STK17A: variants seen among roughly 807,000 people sequenced by gnomAD.
The protein encoded by STK17A is serine/threonine kinase 17a, also known as serine/threonine-protein kinase 17A.
A neutral mutation model predicts 43.7 loss-of-function variants in STK17A; 26 were observed. The ratio of observed to expected loss-of-function variants is 0.60; its 90% CI spans 0.44 to 0.83. The LOEUF is 0.83. Ranked by LOEUF, STK17A falls within the 40% of genes least tolerant of loss-of-function variation. STK17A has a pLI of 0.00. For missense variants in STK17A, 476 were observed against 511.6 expected, an observed-to-expected ratio of 0.93 and a Z score of 0.67; for synonymous variants, 191 against 182.5, an observed-to-expected ratio of 1.05 and a Z score of -0.38.
chr7:43,613,164 A>G (rs1554481879), intron 3 of STK17A, among the ~76,000 whole-genome samples: 1 of 152,190 alleles, frequency 6.6e-6, no homozygotes, highest in Non-Finnish European at 1.5e-5. Context: ...TCAGTCTTTC[A>G]GCAGTGTTAG....
chr7:43,584,446 A>G (rs2082425152), intron 1 of STK17A, among the ~76,000 whole-genome samples: 1 of 152,234 alleles, frequency 6.6e-6, no homozygotes, highest in African/African-American at 2.4e-5. Context: ...ATGCTTGTCA[A>G]GCGCATACCA....
At chr7:43,583,579 C>T (rs1185049208) in intron 1 of STK17A, 130 bp downstream of exon 1, 5 of 861,912 alleles carry the variant, frequency 5.8e-6, no homozygotes. Context: ...CGCGTTGTGA[C>T]TTGGCACAAA....
chr7:43,589,879 C>T (rs2082467108), intron 1 of STK17A, among the ~76,000 whole-genome samples: 1 of 150,302 alleles, frequency 6.7e-6, no homozygotes, highest in Non-Finnish European at 1.5e-5. Flanking sequence ...ATTAGAATTA[C>T]CTGTTTTGTT....
Position 43,583,133 on chromosome 7 carries a change from A to C in STK17A, c.-111A>C. 1 of 1,153,502 alleles carries C rather than the reference A, an allele frequency of 8.7e-7. No homozygotes were observed. Among genetic ancestry groups the C allele is most frequent in the Non-Finnish European group, 1.2e-6 (1 of 823,324 alleles). The allele number at this position is 1,153,502 out of a possible 1,614,324, so 71.5% of individuals were successfully genotyped here. ...GCAGTCCGAGCGCCGCGCTGGGGAG[A>C]GCGGGTGTTTGAAGGCTCCGCGGAC... On this transcript the variant is annotated 5_prime_UTR_variant, in exon 1 of 7. Coordinates refer to ENST00000319357, the MANE Select transcript of STK17A (RefSeq NM_004760.3).
At position 43,625,020 on chromosome 7, in the gene STK17A, C is replaced by T; in HGVS notation, c.*178C>T. 1.8e-6 allele frequency: 1 copy of T among 542,790 alleles called. No individual in the cohort carries two copies. Among genetic ancestry groups the T allele is most frequent in the Non-Finnish European group, 3.1e-6 (1 of 322,012 alleles). 33.6% of individuals were successfully genotyped at this position (542,790 alleles called of 1,614,324 possible). On this transcript the variant is annotated 3_prime_UTR_variant, in exon 7 of 7. Coordinates refer to ENST00000319357, the MANE Select transcript of STK17A (RefSeq NM_004760.3). ...GAAGCCAGATTTTAAAAGTTGCCAA[C>T]CAGGAGATTTAACAGGTACAGTTAC...
At position 43,626,738 on chromosome 7, in the gene STK17A, G is replaced by C. The variant is rs2084589153; in HGVS notation, c.*1896G>C. ...TCAAGTTTTAAAATCAGAATCATTT[G>C]GGCTTTTTAAAAACCATTTTATACT... On this transcript the variant is annotated 3_prime_UTR_variant, in exon 7 of 7. Transcript: ENST00000319357. The C allele has an allele frequency of 6.6e-6, 1 of 152,050 alleles. No homozygotes were observed. 9.4% of individuals were successfully genotyped at this position (152,050 alleles called of 1,614,324 possible).
chr7:43,619,847 A>T, intron 4 of STK17A, 124 bp downstream of exon 4: 1 of 1,281,776 alleles, frequency 7.8e-7, no homozygotes, highest in African/African-American at 1.5e-5. Flanking sequence ...ACCATCAGAG[A>T]TCTATTCCTT....
At chr7:43,607,484 C>T (rs1368327042) in intron 2 of STK17A, among the ~76,000 whole-genome samples, 1 of 151,364 alleles carries the variant, frequency 6.6e-6, no homozygotes, top group Non-Finnish European at 1.5e-5. Flanking sequence ...CCCGTCTCTA[C>T]TAAAATACAA....
At chr7:43,611,495 G>A (rs1266163318) in intron 3 of STK17A, among the ~76,000 whole-genome samples, 1 of 152,178 alleles carries the variant, frequency 6.6e-6, no homozygotes, top group Non-Finnish European at 1.5e-5. Context: ...TGTTAATGCT[G>A]AAGGTTACCT....
Position 43,624,636 on chromosome 7 carries a change from C to A in STK17A, c.1039C>A (p.His347Asn). 6.2e-7 allele frequency: 1 copy of A among 1,614,076 alleles called. No homozygotes were observed. The highest frequency in any genetic ancestry group is 1.1e-5 in the South Asian group (1 of 91,068). The change falls in exon 7 of 7, where the codon CAT becomes AAT. Residue 347 changes from histidine to asparagine, a missense_variant. By Grantham distance (68) the His-to-Asn change is moderately conservative. Transcript: ENST00000319357. ...AGAAGCAAATGCCCTCCAAGAAGGT[C>A]ATTCTGTGCCTGAAATTAATTCGGA... ...LEEANALQEG[H>N]SVPEINSDTD... is the part of the protein sequence containing the mutation.
At chr7:43,602,717 T>C (rs536502163) in intron 2 of STK17A, among the ~76,000 whole-genome samples, 2 of 152,370 alleles carry the variant, frequency 1.3e-5, no homozygotes, top group African/African-American at 4.8e-5. Flanking sequence ...CATACATTTA[T>C]GTTTTATACA....
rs1563173425 is a variant in STK17A at position 43,625,567 on chromosome 7, C to CA, written c.*726dup. 1 of 152,274 alleles carries CA rather than the reference C, an allele frequency of 6.6e-6. No individual in the cohort carries two copies. Among genetic ancestry groups the CA allele is most frequent in the African/African-American group, 2.4e-5 (1 of 41,442 alleles). The allele number at this position is 152,274 out of a possible 1,614,324, so 9.4% of individuals were successfully genotyped here. The stretch of plus-strand genomic sequence containing the variant: ...GCTGCTTCCCTCATCACACCACACT[C>CA]ACATGCATCTGTTCTCTCTCACACT... On this transcript the variant is annotated 3_prime_UTR_variant, in exon 7 of 7. Transcript: ENST00000319357.
At chr7:43,606,316 G>GAA (rs2082588142) in intron 2 of STK17A, among the ~76,000 whole-genome samples, 1 of 152,140 alleles carries the variant, frequency 6.6e-6, no homozygotes, top group Non-Finnish European at 1.5e-5. Context: ...ACTTTAGATA[G>GAA]AAAAAACAGT....
At chr7:43,623,481 A>G in intron 4 of STK17A, 91 bp from the exon 5 acceptor site, 1 of 1,062,438 alleles carries the variant, frequency 9.4e-7, no homozygotes, top group Non-Finnish European at 1.4e-6. Context: ...ATAGTGCCTT[A>G]TAGTTTCTAA....
intron 2 of STK17A, among the ~76,000 whole-genome samples, chr7:43,600,329 C>T (rs2082546373): frequency 6.6e-6 from 1 of 152,066 alleles, no homozygotes; most frequent in South Asian, 2.1e-4. Flanking sequence ...TTTCAACAGT[C>T]GAGATTTTAA....
intron 2 of STK17A, among the ~76,000 whole-genome samples, chr7:43,597,644 C>A (rs907632440): frequency 1.2e-4 from 19 of 152,166 alleles, no homozygotes; most frequent in African/African-American, 4.6e-4. Flanking sequence ...CTCGGCCTCC[C>A]AAAGTGCTGG....
intron 3 of STK17A, chr7:43,608,866 G>A (rs1253695409): frequency 6.6e-6 from 1 of 152,324 alleles, no homozygotes; most frequent in African/African-American, 2.4e-5. Context: ...TGATTTTTGA[G>A]CCAGGAATAT....
chr7:43,608,267 G>A lies in STK17A; in HGVS notation c.431G>A (p.Gly144Asp), dbSNP rs757545124. The change falls in exon 3 of 7, where the codon GGT (glycine) becomes GAT (aspartate). Residue 144 changes from glycine (G) to aspartate (D), a missense_variant. By Grantham distance (94) the Gly-to-Asp change is moderately conservative. Transcript: ENST00000319357. ...MILVLEYAAG[G>D]EIFDQCVADR... ...TTGCCCTTCTCTAGTGCTGCTGGGGGTGAAATCTTTGACCAGTGTGTTGCA... is the reference window on the plus strand; with the variant it reads ...TTGCCCTTCTCTAGTGCTGCTGGGGATGAAATCTTTGACCAGTGTGTTGCA... The A allele has an allele frequency of 2.5e-6, 4 of 1,612,472 alleles. No individual in the cohort carries two copies. In the East Asian group the frequency reaches 8.9e-5, roughly 36 times the overall value.
At chr7:43,593,697 A>C (rs4720458) in intron 1 of STK17A, among the ~76,000 whole-genome samples, 156 of 49,150 alleles carry the variant, frequency 3.2e-3, no homozygotes, top group Non-Finnish European at 6.4e-3. Context: ...CTGTTCATAT[A>C]AAAAAAAAAA....
Sources: gnomAD v4.1 joint callset for allele counts (sites outside exome capture counted in the v4.1 genomes callset) on GRCh38, gnomAD v4.1.1 for gene constraint, MANE v1.5 for transcripts, NCBI Gene and HGNC (gene_info 2026-07-23, HGNC 2026-07-21) for gene names.